Variants in CCDC69 observed in about 807,000 individuals in gnomAD.
CCDC69 encodes coiled-coil domain containing 69.
A neutral mutation model predicts 40.3 loss-of-function variants in CCDC69; 38 were observed. The ratio of observed to expected loss-of-function variants is 0.94; its 90% CI spans 0.73 to 1.24. The LOEUF (loss-of-function observed/expected upper bound fraction) is 1.24, where lower values mean the gene tolerates loss of function less well. Among genes scored for constraint, CCDC69 ranks in the 50% most tolerant of loss-of-function variants. The pLI, the probability that CCDC69 is intolerant of heterozygous loss-of-function variation, is 0.00. For missense variants in CCDC69, 389 were observed against 357.9 expected, an observed-to-expected ratio of 1.09 and a Z score of -0.70; for synonymous variants, 141 against 138.9, an observed-to-expected ratio of 1.02 and a Z score of -0.11.
chr5:151,199,164 G>T, intron 3 of CCDC69, 80 bp from the exon 4 acceptor site: 1 of 1,136,734 alleles, frequency 8.8e-7, no homozygotes. Flanking sequence ...CTGGGCCTAC[G>T]TGGAACTTGG....
rs61740043 is a variant in CCDC69, at chr5:151,181,772, T to C, written c.*1665A>G. The C allele has an allele frequency of 6.6e-6, 1 of 152,258 alleles. No individual in the cohort carries two copies. Among genetic ancestry groups the C allele is most frequent in the Non-Finnish European group, 1.5e-5 (1 of 68,054 alleles). The allele number at this position is 152,258 out of a possible 1,614,324, so 9.4% of individuals were successfully genotyped here. ...TGGACATTAGTTCAATAAACTAGTG[T>C]ATCGCAGATGTGCTTTGCAAAAAGC... On this transcript the variant is annotated 3_prime_UTR_variant, in exon 9 of 9. Coordinates refer to ENST00000355417, the MANE Select transcript of CCDC69 (RefSeq NM_015621.3).
At position 151,184,429 on chromosome 5, in the gene CCDC69, G is replaced by A. The variant is rs924554688; in HGVS notation, c.628C>T (p.Leu210=). The A allele has an allele frequency of 1.9e-6, 3 of 1,612,524 alleles. No homozygotes were observed. The highest frequency in any genetic ancestry group is 2.5e-6 in the Non-Finnish European group (3 of 1,178,548). ...GTCGTAATTTTTTCCTCCAATATCA[G>A]ATTTTTCTCTTTCTATAACAATGAG... is the stretch of plus-strand genomic sequence containing the variant. The part of the protein sequence containing the change: ...ILMETVKEKN[L]ILEEKITTLQ... Residue 210 remains leucine, a synonymous_variant, in exon 8 of 9, where the codon CTG becomes TTG. Coordinates refer to ENST00000355417, the MANE Select transcript of CCDC69 (RefSeq NM_015621.3).
At chr5:151,194,722 G>A (rs1209160491) in intron 4 of CCDC69, among the ~76,000 whole-genome samples, 1 of 151,974 alleles carries the variant, frequency 6.6e-6, no homozygotes, top group Non-Finnish European at 1.5e-5. Flanking sequence ...GTGAAACACT[G>A]TCTCTACTAA....
intron 1 of CCDC69, among the ~76,000 whole-genome samples, chr5:151,214,749 T>C (rs1753010365): frequency 6.6e-6 from 1 of 152,122 alleles, no homozygotes. Context: ...CAGGGGCGGA[T>C]GTGGTCTCCA....
chr5:151,212,437 C>T (rs1455540031), intron 1 of CCDC69, among the ~76,000 whole-genome samples: 1 of 152,164 alleles, frequency 6.6e-6, no homozygotes, highest in Non-Finnish European at 1.5e-5. Flanking sequence ...TCAAGCAGAC[C>T]AGAGCCCTGC....
Position 151,201,614 on chromosome 5 carries a change from G to A in CCDC69, c.199C>T (p.His67Tyr), listed in dbSNP as rs772864509. The A allele has an allele frequency of 6.2e-7, 1 of 1,613,540 alleles. No individual in the cohort carries two copies. The highest frequency in any genetic ancestry group is 8.5e-7 in the Non-Finnish European group (1 of 1,179,680). The change falls in exon 3 of 9, where the codon CAT (histidine) becomes TAT (tyrosine). Residue 67 changes from histidine to tyrosine, a missense_variant. Transcript: ENST00000355417. ...GCCCATTTCTTCTTTTCCTCCTCATGTTGCTGGAGAATTCTGGTTATATCC... is the reference window on the plus strand; with the variant it reads ...GCCCATTTCTTCTTTTCCTCCTCATATTGCTGGAGAATTCTGGTTATATCC... The part of the protein sequence containing the change: ...QKDITRILQQ[H>Y]EEEKKKWAQQ...
Position 151,201,593 on chromosome 5 carries a change from A to ATT in CCDC69, c.218_219dup (p.Trp74AsnfsTer12). The ATT allele has an allele frequency of 1.9e-6, 3 of 1,612,498 alleles. No individual in the cohort carries two copies. The South Asian group carries it at 3.3e-5, about 18-fold the overall frequency. On this transcript the variant is annotated frameshift_variant, in exon 3 of 9. Transcript: ENST00000355417. LOFTEE classifies it high-confidence loss of function. ...GCACCTGGACTTACCTGTTGTGCCC[A>ATT]TTTCTTCTTTTCCTCCTCATGTTGC...
chr5:151,185,524 G>C lies in CCDC69; in HGVS notation c.513C>G (p.Ser171Arg), dbSNP rs764569840. 6.2e-7 allele frequency: 1 copy of C among 1,613,974 alleles called. No homozygotes were observed. The highest frequency in any genetic ancestry group is 1.7e-5 in the Admixed American group (1 of 60,008). Residue 171 changes from serine (S) to arginine (R), a missense_variant, in exon 7 of 9, where the codon AGC (serine) becomes AGG (arginine). Ser to Arg is a moderately radical substitution (Grantham distance 110, BLOSUM62 -1). Coordinates refer to ENST00000355417, the MANE Select transcript of CCDC69 (RefSeq NM_015621.3). ...TCTCCAGCTCCTGCTCCCAGAACTG[G>C]CTGGGGCTCCCATAATCCTAGACAG... ...KKHIQDYGSP[S>R]QFWEQELESL...
intron 1 of CCDC69, among the ~76,000 whole-genome samples, chr5:151,218,153 A>T (rs1473166283): frequency 6.6e-6 from 1 of 152,214 alleles, no homozygotes; most frequent in Admixed American, 6.5e-5. Context: ...GACACAAGAT[A>T]AACTATTTTT....
chr5:151,217,758 C>T (rs1753069733), intron 1 of CCDC69, among the ~76,000 whole-genome samples: 1 of 152,160 alleles, frequency 6.6e-6, no homozygotes, highest in Non-Finnish European at 1.5e-5. Flanking sequence ...AGGGCCCATC[C>T]AATGTGACCT....
chr5:151,198,312 A>G (rs961163030), intron 4 of CCDC69, among the ~76,000 whole-genome samples: 1 of 145,894 alleles, frequency 6.9e-6, no homozygotes, highest in East Asian at 1.9e-4. Flanking sequence ...CTATCTATCT[A>G]TCTATCTATC....
chr5:151,196,565 G>T (rs1461490065), intron 4 of CCDC69, among the ~76,000 whole-genome samples: 1 of 152,142 alleles, frequency 6.6e-6, no homozygotes, highest in Admixed American at 6.5e-5. Flanking sequence ...AGTAACATCA[G>T]TAATATACAT....
intron 1 of CCDC69, among the ~76,000 whole-genome samples, chr5:151,223,609 G>A (rs1462097995): frequency 2.0e-5 from 3 of 152,152 alleles, no homozygotes; most frequent in African/African-American, 7.2e-5. Context: ...GCCACACAGC[G>A]AACAGCCCCA....
At chr5:151,205,514 G>A (rs777533348) in intron 1 of CCDC69, 39 bp from the exon 2 acceptor site, 5 of 1,575,384 alleles carry the variant, frequency 3.2e-6, no homozygotes, top group South Asian at 2.2e-5. Context: ...TGGGTAGAGG[G>A]TGGGAGGTCA....
At chr5:151,206,832 G>A (rs918759978) in intron 1 of CCDC69, among the ~76,000 whole-genome samples, 3 of 151,992 alleles carry the variant, frequency 2.0e-5, no homozygotes, top group African/African-American at 4.8e-5. Flanking sequence ...GGGTGGCACT[G>A]TGTTAGCCAG....
chr5:151,212,727 C>T, intron 1 of CCDC69: 1 of 454,480 alleles, frequency 2.2e-6, no homozygotes, highest in East Asian at 7.0e-5. Flanking sequence ...TGAGAACAGG[C>T]AGGAAGACCT....
intron 2 of CCDC69, among the ~76,000 whole-genome samples, chr5:151,202,930 G>C (rs763802246): frequency 1.3e-5 from 2 of 152,138 alleles, no homozygotes; most frequent in Non-Finnish European, 2.9e-5. Flanking sequence ...AATAAAAATA[G>C]TAAAAGCAGG....
At chr5:151,185,578 G>T in intron 6 of CCDC69, 37 bp from the exon 7 acceptor site, 2 of 1,604,566 alleles carry the variant, frequency 1.2e-6, no homozygotes, top group Non-Finnish European at 1.7e-6. Flanking sequence ...AGGCCAGTAG[G>T]CTACCTCCCT....
At chr5:151,215,689 G>A in intron 1 of CCDC69, 1 of 371,550 alleles carries the variant, frequency 2.7e-6, no homozygotes, top group Non-Finnish European at 5.8e-6. Flanking sequence ...GGGATTGCCT[G>A]AAAGCAGAGA....
Sources: gnomAD v4.1 joint callset for allele counts (sites outside exome capture counted in the v4.1 genomes callset) on GRCh38, gnomAD v4.1.1 for gene constraint, MANE v1.5 for transcripts, NCBI Gene and HGNC (gene_info 2026-07-23, HGNC 2026-07-21) for gene names.